PIP4P1: variants seen among roughly 807,000 people sequenced by gnomAD.
PIP4P1 encodes the protein type 1 phosphatidylinositol 4,5-bisphosphate 4-phosphatase.
Under a neutral mutation model 32.3 loss-of-function variants are expected in PIP4P1, and 14 were observed. That is an observed-to-expected ratio of 0.43 (90% CI 0.29 to 0.68). The LOEUF is 0.68. Among genes scored for constraint, PIP4P1 ranks in the 30% least tolerant of loss-of-function variants. PIP4P1 has a pLI of 0.15. For synonymous variants in PIP4P1, 132 were observed against 137.9 expected, an observed-to-expected ratio of 0.96 and a Z score of 0.30; for missense variants, 289 against 364.5, an observed-to-expected ratio of 0.79 and a Z score of 1.69.
intron 4 of PIP4P1, 91 bp downstream of exon 4, chr14:20,459,537 C>A (rs920325641): frequency 6.3e-7 from 1 of 1,575,132 alleles, no homozygotes; most frequent in African/African-American, 1.3e-5. Flanking sequence ...TAGGACAGAC[C>A]TTTCAGGGGT....
At chr14:20,458,765 C>T in intron 6 of PIP4P1, 63 bp from the exon 7 acceptor site, 1 of 1,554,796 alleles carries the variant, frequency 6.4e-7, no homozygotes, top group Non-Finnish European at 8.7e-7. Flanking sequence ...CCACTACCTC[C>T]TATTAGTTCT....
chr14:20,460,067 T>C lies in PIP4P1; in HGVS notation c.440+125A>G, dbSNP rs139499800. The C allele has an allele frequency of 7.8e-4, 584 of 751,224 alleles. 3 individuals are homozygous for C. The African/African-American group carries it at 9.4e-3, about 12-fold the overall frequency. The allele number at this position is 751,224 out of a possible 1,614,324, so 46.5% of individuals were successfully genotyped here. ...ACAGCTATAACATTCCTGAGGCACA[T>C]GCTTCAAAGCCTTTTCTCCTAAATA... On this transcript the variant is annotated intron_variant, in intron 3 of 6. Coordinates refer to ENST00000250489, the MANE Select transcript of PIP4P1 (RefSeq NM_144568.4).
chr14:20,460,050 A>C lies in PIP4P1; in HGVS notation c.440+142T>G, dbSNP rs778831034. 237 of 706,418 alleles carry C rather than the reference A, an allele frequency of 3.4e-4. 1 individual carries two copies. The highest frequency in any genetic ancestry group is 4.4e-4 in the Non-Finnish European group (174 of 392,750). The allele number at this position is 706,418 out of a possible 1,614,324, so 43.8% of individuals were successfully genotyped here. On this transcript the variant is annotated intron_variant, in intron 3 of 6. Transcript: ENST00000250489. ...ATTGAGAAACGAGAAAGACAGCTATAACATTCCTGAGGCACATGCTTCAAA... is the reference window on the plus strand; with the variant it reads ...ATTGAGAAACGAGAAAGACAGCTATCACATTCCTGAGGCACATGCTTCAAA...
chr14:20,458,837 G>C (rs1035836966), intron 6 of PIP4P1, 135 bp from the exon 7 acceptor site: 5 of 1,149,706 alleles, frequency 4.3e-6, no homozygotes, highest in Non-Finnish European at 6.0e-6. Flanking sequence ...CACCCTCAGG[G>C]ACCTTCTTAA....
At position 20,460,172 on chromosome 14, in the gene PIP4P1, C is replaced by T. The variant is rs764833417; in HGVS notation, c.440+20G>A. On this transcript the variant is annotated intron_variant, in intron 3 of 6. Transcript: ENST00000250489. ...TTTCCAGTTCCCCACTTAGGCCCTT[C>T]CCCACCTTATGCCTCTTACCAGTAG... The T allele has an allele frequency of 1.9e-6, 3 of 1,591,650 alleles. No homozygotes were observed. The highest frequency in any genetic ancestry group is 1.7e-5 in the Admixed American group (1 of 59,980).
chr14:20,459,949 C>T, intron 3 of PIP4P1: 1 of 613,624 alleles, frequency 1.6e-6, no homozygotes, highest in Non-Finnish European at 2.9e-6. Context: ...CAATTCCCCT[C>T]CGACCTCAGG....
In PIP4P1 at chr14:20,457,958, G is replaced by A. The variant is rs371648334; in HGVS notation, c.*601C>T. On this transcript the variant is annotated 3_prime_UTR_variant, in exon 7 of 7. Coordinates refer to ENST00000250489, the MANE Select transcript of PIP4P1 (RefSeq NM_144568.4). ...AGCCCAGTTAAATACTGCAACTGGG[G>A]GGGTAAAAAAGGTCGGGAGGAGGAA... 3.2e-6 allele frequency: 1 copy of A among 308,028 alleles called. No individual in the cohort carries two copies. The highest frequency in any genetic ancestry group is 6.3e-6 in the Non-Finnish European group (1 of 159,350). The allele number at this position is 308,028 out of a possible 1,614,324, so 19.1% of individuals were successfully genotyped here.
At chr14:20,459,505 G>A in intron 4 of PIP4P1, 65 bp from the exon 5 acceptor site, 1 of 1,601,194 alleles carries the variant, frequency 6.2e-7, no homozygotes, top group Non-Finnish European at 8.6e-7. Flanking sequence ...ACCTTGGGGT[G>A]GGGATGCAGA....
At chr14:20,459,109 A>G in intron 6 of PIP4P1, 97 bp downstream of exon 6, 1 of 1,316,444 alleles carries the variant, frequency 7.6e-7, no homozygotes, top group Non-Finnish European at 1.1e-6. Context: ...CTAGTCCCCC[A>G]AGTTTCTTCC....
chr14:20,460,200 C>T lies in PIP4P1; in HGVS notation c.432G>A (p.Arg144=). The T allele has an allele frequency of 6.2e-7, 1 of 1,613,484 alleles. No individual in the cohort carries two copies. Among genetic ancestry groups the T allele is most frequent in the Non-Finnish European group, 8.5e-7 (1 of 1,179,452 alleles). The change falls in exon 3 of 7, where the codon CGG becomes CGA. Residue 144 remains arginine (R), a synonymous_variant. Coordinates refer to ENST00000250489, the MANE Select transcript of PIP4P1 (RefSeq NM_144568.4). ...CACCTTATGCCTCTTACCAGTAGGG[C>T]CGAGGGCATGCAATCCGTTGGGATG... The part of the protein sequence containing the change: ...KVTSQRIACP[R]PYCKRIINLG...
rs955898118 is a variant in PIP4P1, at chr14:20,461,394, ACCGCCACCG to A, written c.-78_-70del. 3.4e-5 allele frequency: 42 copies of A among 1,227,604 alleles called. No individual in the cohort carries two copies. In the African/African-American group the frequency reaches 3.9e-4, roughly 11 times the overall value. The allele number at this position is 1,227,604 out of a possible 1,614,324, so 76.0% of individuals were successfully genotyped here. On this transcript the variant is annotated 5_prime_UTR_variant, in exon 1 of 7. Coordinates refer to ENST00000250489, the MANE Select transcript of PIP4P1 (RefSeq NM_144568.4). ...CTTCGCCTCTGCCGTCGCCGCAGCC[ACCGCCACCG>A]CCGCCACCGCCACCGCCGCTACCGG...
chr14:20,461,414 C>A lies in PIP4P1; in HGVS notation c.-89G>T. On this transcript the variant is annotated 5_prime_UTR_variant, in exon 1 of 7. Coordinates refer to ENST00000250489, the MANE Select transcript of PIP4P1 (RefSeq NM_144568.4). ...CAGCCACCGCCACCGCCGCCACCGC[C>A]ACCGCCGCTACCGGGTCCCCAGGGC... is the stretch of plus-strand genomic sequence containing the variant. 1 of 1,211,086 alleles carries A rather than the reference C, an allele frequency of 8.3e-7. No homozygotes were observed. Among genetic ancestry groups the A allele is most frequent in the Non-Finnish European group, 1.0e-6 (1 of 968,710 alleles). The allele number at this position is 1,211,086 out of a possible 1,614,324, so 75.0% of individuals were successfully genotyped here.
chr14:20,458,474 G>C lies in PIP4P1; in HGVS notation c.*85C>G, dbSNP rs1008272195. 1.9e-6 allele frequency: 3 copies of C among 1,590,528 alleles called. No individual in the cohort carries two copies. The highest frequency in any genetic ancestry group is 1.3e-5 in the African/African-American group (1 of 74,344). ...TGCTTGGCTTCCTTCTAGAAGCCCC[G>C]GGAGCCTTTAACTACCCCAGCTCCC... On this transcript the variant is annotated 3_prime_UTR_variant, in exon 7 of 7. Transcript: ENST00000250489.
intron 3 of PIP4P1, 86 bp downstream of exon 3, chr14:20,460,106 C>T: frequency 9.8e-7 from 1 of 1,022,372 alleles, no homozygotes; most frequent in Non-Finnish European, 1.5e-6. Context: ...ACTAGGCTCT[C>T]TCACCTTTAC....
At chr14:20,459,784 T>C (rs1566518086) in intron 3 of PIP4P1, 51 bp from the exon 4 acceptor site, 12 of 1,503,548 alleles carry the variant, frequency 8.0e-6, no homozygotes, top group Non-Finnish European at 1.0e-5. Context: ...TGAAAAATTT[T>C]TAATCCTAAA....
In PIP4P1 at chr14:20,458,072, T is replaced by C. The variant is rs1356665260; in HGVS notation, c.*487A>G. 1 of 353,372 alleles carries C rather than the reference T, an allele frequency of 2.8e-6. No individual in the cohort carries two copies. The highest frequency in any genetic ancestry group is 5.6e-6 in the Non-Finnish European group (1 of 179,160). The allele number at this position is 353,372 out of a possible 1,614,324, so 21.9% of individuals were successfully genotyped here. A position where few individuals can be genotyped will look rare whatever the true frequency, so the allele number is the denominator to read the frequency against. The stretch of plus-strand genomic sequence containing the variant: ...CTGTGGTTCTGTACAGAGCAGCGGC[T>C]GACCCCACCCCCACAGGACACAATG... On this transcript the variant is annotated 3_prime_UTR_variant, in exon 7 of 7. Transcript: ENST00000250489.
chr14:20,460,944 G>C, intron 1 of PIP4P1, 99 bp from the exon 2 acceptor site: 2 of 1,364,748 alleles, frequency 1.5e-6, no homozygotes, highest in Non-Finnish European at 1.9e-6. Context: ...CTCTGACCAA[G>C]CTCGGAGGGC....
At chr14:20,461,133 G>T in intron 1 of PIP4P1, 51 bp downstream of exon 1, 1 of 1,267,854 alleles carries the variant, frequency 7.9e-7, no homozygotes, top group South Asian at 3.2e-5. Flanking sequence ...AGAGTACCCC[G>T]GGGAGCACCT....
At position 20,458,568 on chromosome 14, in the gene PIP4P1, G is replaced by A; in HGVS notation, c.825C>T (p.Asn275=). The change falls in exon 7 of 7, where the codon AAC becomes AAT. Residue 275 remains asparagine, a synonymous_variant. Transcript: ENST00000250489. Reference sequence around the variant, plus strand: ...CTGTGGGTCATCAGGCTCAGGAGAAGTTCTGGACAGGGTGGCTGACCTTCA... The same window carrying A: ...CTGTGGGTCATCAGGCTCAGGAGAAATTCTGGACAGGGTGGCTGACCTTCA... The part of the protein sequence containing the change: ...ACMKVSHPVQ[N]FS The A allele has an allele frequency of 1.2e-6, 2 of 1,613,810 alleles. No individual in the cohort carries two copies. Among genetic ancestry groups the A allele is most frequent in the Non-Finnish European group, 8.5e-7 (1 of 1,179,794 alleles).
Sources: gnomAD v4.1 joint callset for allele counts on GRCh38, gnomAD v4.1.1 for gene constraint, MANE v1.5 for transcripts, NCBI Gene and HGNC (gene_info 2026-07-23, HGNC 2026-07-21) for gene names.